The following UNC50 variants were observed in gnomAD, a reference collection of about 807,000 sequenced individuals.
UNC50 encodes protein unc-50 homolog.
Under a neutral mutation model 31.5 loss-of-function variants are expected in UNC50, and 24 were observed. The observed-to-expected ratio is 0.76, with a 90% CI of 0.55 to 1.07. UNC50 has a LOEUF of 1.07. UNC50 is among the 50% of genes least tolerant of loss of function. The pLI is 0.00. For missense variants in UNC50, 245 were observed against 304.2 expected, an observed-to-expected ratio of 0.81 and a Z score of 1.45; for synonymous variants, 118 against 114.7, an observed-to-expected ratio of 1.03 and a Z score of -0.18.
chr2:98,614,728 A>G (rs1318291385), intron 3 of UNC50, among the ~76,000 whole-genome samples: 1 of 152,224 alleles, frequency 6.6e-6, no homozygotes, highest in African/African-American at 2.4e-5. Flanking sequence ...AGCGAGCTAC[A>G]TACTGATTCC....
chr2:98,618,351 A>G lies in UNC50; in HGVS notation c.*47A>G. Reference sequence around the variant, plus strand: ...CGTAACTGTGTCAACAGTATTGTGAAGTGATCATTTCTTGTAAAACTTGTA... The same window carrying G: ...CGTAACTGTGTCAACAGTATTGTGAGGTGATCATTTCTTGTAAAACTTGTA... On this transcript the variant is annotated 3_prime_UTR_variant, in exon 6 of 6. Coordinates refer to ENST00000357765, the MANE Select transcript of UNC50 (RefSeq NM_014044.7). The G allele has an allele frequency of 6.6e-7, 1 of 1,505,126 alleles. No individual in the cohort carries two copies. The highest frequency in any genetic ancestry group is 8.9e-7 in the Non-Finnish European group (1 of 1,123,606). 93.2% of individuals were successfully genotyped at this position (1,505,126 alleles called of 1,614,324 possible). A position where few individuals can be genotyped will look rare whatever the true frequency, so the allele number is the denominator to read the frequency against.
At chr2:98,617,063 TTTA>T (rs1700935674) in intron 5 of UNC50, among the ~76,000 whole-genome samples, 1 of 152,244 alleles carries the variant, frequency 6.6e-6, no homozygotes, top group Non-Finnish European at 1.5e-5. Context: ...GGGCCCAACA[TTTA>T]TTGTCCTCAG....
In UNC50 at chr2:98,618,386, T is replaced by A. The variant is rs924580032; in HGVS notation, c.*82T>A. On this transcript the variant is annotated 3_prime_UTR_variant, in exon 6 of 6. Coordinates refer to ENST00000357765, the MANE Select transcript of UNC50 (RefSeq NM_014044.7). ...TCTTGTAAAACTTGTAAATAAACTA[T>A]CATCTTTGTAGATATCTTAAAGGTG... The A allele has an allele frequency of 1.4e-6, 2 of 1,431,068 alleles. No homozygotes were observed. The highest frequency in any genetic ancestry group is 1.9e-6 in the Non-Finnish European group (2 of 1,079,980). The allele number at this position is 1,431,068 out of a possible 1,614,324, so 88.6% of individuals were successfully genotyped here. A position where few individuals can be genotyped will look rare whatever the true frequency, so the allele number is the denominator to read the frequency against.
chr2:98,618,379 TAAAC>T lies in UNC50; in HGVS notation c.*76_*79del, dbSNP rs1700976074. ...GATCATTTCTTGTAAAACTTGTAAA[TAAAC>T]TATCATCTTTGTAGATATCTTAAAG... On this transcript the variant is annotated 3_prime_UTR_variant, in exon 6 of 6. Transcript: ENST00000357765. 5.5e-6 allele frequency: 8 copies of T among 1,446,924 alleles called. No individual in the cohort carries two copies. The highest frequency in any genetic ancestry group is 5.2e-5 in the Admixed American group (2 of 38,612). 89.6% of individuals were successfully genotyped at this position (1,446,924 alleles called of 1,614,324 possible).
intron 2 of UNC50, 28 bp downstream of exon 2, chr2:98,610,067 G>C: frequency 6.3e-7 from 1 of 1,581,972 alleles, no homozygotes; most frequent in Non-Finnish European, 8.6e-7. Flanking sequence ...AGATAGAATT[G>C]AACGCTGAGT....
chr2:98,609,766 C>G lies in UNC50; in HGVS notation c.7C>G (p.Pro3Ala), dbSNP rs985650428. ...TTTTCTTCCATCTAGGAAGATGTTA[C>G]CGAGTACTTCAGTGAATTCCTTAGT... is the stretch of plus-strand genomic sequence containing the variant. MLPSTSVNSLVQG... is the reference protein window; with the variant it reads MLASTSVNSLVQG... The change falls in exon 2 of 6, where the codon CCG (proline) becomes GCG (alanine). Residue 3 changes from proline to alanine, a missense_variant. Transcript: ENST00000357765. The G allele has an allele frequency of 1.5e-5, 24 of 1,614,090 alleles. No homozygotes were observed. The highest frequency in any genetic ancestry group is 2.0e-5 in the Non-Finnish European group (24 of 1,180,044).
chr2:98,609,587 C>A, intron 1 of UNC50, 169 bp from the exon 2 acceptor site: 1 of 1,070,292 alleles, frequency 9.3e-7, no homozygotes, highest in Non-Finnish European at 1.4e-6. Flanking sequence ...TTCCCAAGCC[C>A]CAAGACCCGC....
chr2:98,610,734 T>A (rs753000160), intron 2 of UNC50, 41 bp from the exon 3 acceptor site: 1 of 1,609,788 alleles, frequency 6.2e-7, no homozygotes, highest in South Asian at 1.1e-5. Flanking sequence ...TTCCAGAACC[T>A]AGCAGAGTCC....
At chr2:98,608,767 T>C in intron 1 of UNC50, 41 bp downstream of exon 1, 4 of 311,378 alleles carry the variant, frequency 1.3e-5, no homozygotes, top group South Asian at 1.2e-4. Flanking sequence ...CGGCCCGGGC[T>C]CGCGCCGGGG....
At chr2:98,609,234 C>T (rs1700774436) in intron 1 of UNC50, 1 of 159,108 alleles carries the variant, frequency 6.3e-6, no homozygotes, top group Admixed American at 6.2e-5. Flanking sequence ...ATGTAAAACA[C>T]TAGGGATCGG....
chr2:98,614,320 A>AG (rs1700886008), intron 3 of UNC50, among the ~76,000 whole-genome samples: 1 of 152,212 alleles, frequency 6.6e-6, no homozygotes, highest in South Asian at 2.1e-4. Flanking sequence ...ACAAGGTATG[A>AG]GGGGGGATCA....
intron 5 of UNC50, among the ~76,000 whole-genome samples, chr2:98,616,931 C>T (rs945695830): frequency 1.3e-5 from 2 of 152,120 alleles, no homozygotes; most frequent in African/African-American, 4.8e-5. Flanking sequence ...AAGGTGGGGC[C>T]CAGCATCTTG....
In UNC50 at chr2:98,616,453, T is replaced by A. The variant is rs1486199692; in HGVS notation, c.563T>A (p.Phe188Tyr). Residue 188 changes from phenylalanine to tyrosine, a missense_variant, in exon 5 of 6, where the codon TTT (phenylalanine) becomes TAT (tyrosine). Transcript: ENST00000357765. ...FINHVILTDT[F>Y]IGYLVGNTLW... Reference sequence around the variant, plus strand: ...GCAGATGTTATCCTGACAGACACATTTATTGGATATTTAGTTGGAAATACC... The same window carrying A: ...GCAGATGTTATCCTGACAGACACATATATTGGATATTTAGTTGGAAATACC... 1.2e-6 allele frequency: 2 copies of A among 1,613,982 alleles called. No individual in the cohort carries two copies. The highest frequency in any genetic ancestry group is 1.7e-6 in the Non-Finnish European group (2 of 1,179,980).
intron 3 of UNC50, among the ~76,000 whole-genome samples, chr2:98,613,453 G>A (rs1301978574): frequency 6.6e-6 from 1 of 152,190 alleles, no homozygotes; most frequent in Non-Finnish European, 1.5e-5. Flanking sequence ...GTAGGCCTCA[G>A]GAAACTTATA....
chr2:98,614,382 C>T (rs1430488792), intron 3 of UNC50, among the ~76,000 whole-genome samples: 1 of 152,080 alleles, frequency 6.6e-6, no homozygotes, highest in Admixed American at 6.6e-5. Context: ...AAGATTTTGG[C>T]TTAGATGACT....
chr2:98,617,203 A>AGAG (rs375944514), intron 5 of UNC50, among the ~76,000 whole-genome samples: 31 of 152,226 alleles, frequency 2.0e-4, no homozygotes, highest in African/African-American at 7.2e-4. Context: ...AATAAAATCT[A>AGAG]GAGACTGCGC....
rs765858721 is a variant in UNC50, at chr2:98,609,768, G to A, written c.9G>A (p.Pro3=). 15 of 1,614,232 alleles carry A rather than the reference G, an allele frequency of 9.3e-6. No homozygotes were observed. The highest frequency in any genetic ancestry group is 1.1e-5 in the Non-Finnish European group (13 of 1,180,048). The change falls in exon 2 of 6, where the codon CCG becomes CCA. Residue 3 remains proline (P), a synonymous_variant. Coordinates refer to ENST00000357765, the MANE Select transcript of UNC50 (RefSeq NM_014044.7). The part of the protein sequence containing the change: ML[P]STSVNSLVQG... ...TTCTTCCATCTAGGAAGATGTTACCGAGTACTTCAGTGAATTCCTTAGTGC... is the reference window on the plus strand; with the variant it reads ...TTCTTCCATCTAGGAAGATGTTACCAAGTACTTCAGTGAATTCCTTAGTGC...
chr2:98,618,061 T>C, intron 5 of UNC50, 107 bp from the exon 6 acceptor site: 1 of 1,194,642 alleles, frequency 8.4e-7, no homozygotes, highest in Non-Finnish European at 1.1e-6. Context: ...AAAATATGCA[T>C]TCCCTTCCAC....
chr2:98,611,154 G>T (rs1443625032), intron 3 of UNC50, among the ~76,000 whole-genome samples: 1 of 152,168 alleles, frequency 6.6e-6, no homozygotes, highest in Non-Finnish European at 1.5e-5. Context: ...ATCTGAGATC[G>T]GTCTCAATTT....
Sources: gnomAD v4.1 joint callset for allele counts (sites outside exome capture counted in the v4.1 genomes callset) on GRCh38, gnomAD v4.1.1 for gene constraint, MANE v1.5 for transcripts, NCBI Gene and HGNC (gene_info 2026-07-23, HGNC 2026-07-21) for gene names.